Variants in SPMIP4 observed in about 807,000 individuals in gnomAD.
The protein encoded by SPMIP4 is sperm microtubule inner protein 4, also known as sperm-associated microtubule inner protein 4.
the SPMIP4 span, chr7:25,142,241 C>T: frequency 1.1e-5 from 18 of 1,608,590 alleles, no homozygotes; most frequent in Non-Finnish European, 1.4e-5. Flanking sequence ...AATTACTTAC[C>T]GGCTCTGGGT....
chr7:25,170,629 C>T, the SPMIP4 span, among the ~76,000 whole-genome samples: 4 of 152,148 alleles, frequency 2.6e-5, no homozygotes, highest in Non-Finnish European at 5.9e-5. Context: ...AAAGATTTAT[C>T]GCTATGTTTT....
chr7:25,150,645 T>C, the SPMIP4 span, among the ~76,000 whole-genome samples: 2 of 152,212 alleles, frequency 1.3e-5, no homozygotes, highest in African/African-American at 4.8e-5. Context: ...GTCTAGATAT[T>C]TTCCCTCTTG....
the SPMIP4 span, chr7:25,125,879 CTG>C: frequency 5.1e-6 from 5 of 983,116 alleles, no homozygotes; most frequent in South Asian, 4.7e-5. Context: ...CACCTATACT[CTG>C]TTACTTTCAG....
chr7:25,135,699 C>T, the SPMIP4 span: 1 of 951,702 alleles, frequency 1.1e-6, no homozygotes, highest in South Asian at 4.5e-5. Context: ...GGAAAATTTC[C>T]TTGTATAATC....
At chr7:25,144,224 A>G in the SPMIP4 span, among the ~76,000 whole-genome samples, 7 of 152,232 alleles carry the variant, frequency 4.6e-5, no homozygotes, top group Non-Finnish European at 1.0e-4. Flanking sequence ...AAATAGTTAA[A>G]TTTATAAATC....
At chr7:25,159,412 T>C in the SPMIP4 span, among the ~76,000 whole-genome samples, 1 of 152,272 alleles carries the variant, frequency 6.6e-6, no homozygotes, top group South Asian at 2.1e-4. Context: ...TGCCAAGAAA[T>C]AATCCTGTAG....
the SPMIP4 span, among the ~76,000 whole-genome samples, chr7:25,138,649 G>A: frequency 6.6e-6 from 1 of 152,236 alleles, no homozygotes. The surrounding 1 kb of genome is among the most constrained non-coding windows in gnomAD (Gnocchi z 6.2). Context: ...TGGCATTTAT[G>A]TTGAGTAATA....
At chr7:25,157,174 T>G in the SPMIP4 span, among the ~76,000 whole-genome samples, 1 of 152,204 alleles carries the variant, frequency 6.6e-6, no homozygotes, top group African/African-American at 2.4e-5. Context: ...TGGTATTGGA[T>G]TGCTACCTAA....
chr7:25,145,124 G>A, the SPMIP4 span, among the ~76,000 whole-genome samples: 3 of 151,946 alleles, frequency 2.0e-5, no homozygotes, highest in South Asian at 2.1e-4. Flanking sequence ...CACCACGCCC[G>A]GCTAATTTTT....
the SPMIP4 span, among the ~76,000 whole-genome samples, chr7:25,140,706 G>A: frequency 6.6e-6 from 1 of 151,690 alleles, no homozygotes; most frequent in South Asian, 2.1e-4. Context: ...TCCTGCCTCA[G>A]CCTCCAGAGT....
the SPMIP4 span, among the ~76,000 whole-genome samples, chr7:25,132,520 G>A: frequency 1.3e-5 from 2 of 152,158 alleles, no homozygotes; most frequent in Admixed American, 1.3e-4. This position sits in a 1 kb window ranked among gnomAD's most constrained non-coding sequence, Gnocchi z 5.0. Flanking sequence ...TTTTGTAAAT[G>A]TCTTTTTGTT....
At chr7:25,130,827 C>T in the SPMIP4 span, among the ~76,000 whole-genome samples, 1 of 152,244 alleles carries the variant, frequency 6.6e-6, no homozygotes, top group Admixed American at 6.5e-5. Context: ...GGAATGAACA[C>T]ACAGCTTGTG....
chr7:25,144,734 G>GC, the SPMIP4 span, among the ~76,000 whole-genome samples: 11 of 152,174 alleles, frequency 7.2e-5, no homozygotes, highest in Admixed American at 2.6e-4. Context: ...AAAGTGTGGG[G>GC]CCTTCTAAAG....
At chr7:25,143,248 CTCAAAT>C in the SPMIP4 span, among the ~76,000 whole-genome samples, 3 of 152,280 alleles carry the variant, frequency 2.0e-5, no homozygotes, top group East Asian at 5.8e-4. Context: ...GTTTAAATCA[CTCAAAT>C]TCAAATAAAA....
chr7:25,144,474 T>G, the SPMIP4 span, among the ~76,000 whole-genome samples: 1 of 152,174 alleles, frequency 6.6e-6, no homozygotes, highest in South Asian at 2.1e-4. Context: ...CATGCAGTCA[T>G]GTTTTGGTCA....
chr7:25,153,741 T>C, the SPMIP4 span, among the ~76,000 whole-genome samples: 2,346 of 152,350 alleles, frequency 0.015, 26 homozygotes, highest in Non-Finnish European at 0.024. Flanking sequence ...ATCATACTTA[T>C]CATTTCCTTT....
the SPMIP4 span, among the ~76,000 whole-genome samples, chr7:25,153,130 T>C: frequency 2.6e-5 from 4 of 152,308 alleles, no homozygotes; most frequent in South Asian, 8.3e-4. Context: ...AAGATTTTTT[T>C]ATAAGGGTTG....
At chr7:25,141,022 CAAAT>C in the SPMIP4 span, among the ~76,000 whole-genome samples, 6 of 152,146 alleles carry the variant, frequency 3.9e-5, no homozygotes, top group African/African-American at 9.7e-5. Context: ...ATTTAGGCCT[CAAAT>C]AAAACAACAC....
At chr7:25,161,618 A>AG in the SPMIP4 span, among the ~76,000 whole-genome samples, 3 of 116,466 alleles carry the variant, frequency 2.6e-5, no homozygotes, top group Non-Finnish European at 3.6e-5. Context: ...TTTTATTTAT[A>AG]GATTTTTTTT....
Sources: allele counts gnomAD v4.1 joint callset (sites outside exome capture counted in the v4.1 genomes callset), GRCh38; gene constraint gnomAD v4.1.1; non-coding constraint Gnocchi (gnomAD v3.1); transcripts MANE v1.5; gene names NCBI Gene and HGNC (gene_info 2026-07-23, HGNC 2026-07-21).